CSF2RA: variants seen among roughly 807,000 people sequenced by gnomAD.
CSF2RA encodes colony stimulating factor 2 receptor subunit alpha.
In CSF2RA, 42 loss-of-function variants were observed where a neutral mutation model predicts 51.6. That is an observed-to-expected ratio of 0.81 (90% CI 0.64 to 1.05). The LOEUF (loss-of-function observed/expected upper bound fraction) is 1.05, where lower values mean the gene tolerates loss of function less well. Among genes scored for constraint, CSF2RA ranks in the 50% least tolerant of loss-of-function variants. The pLI is 0.00. For missense variants in CSF2RA, 530 were observed against 501.1 expected, an observed-to-expected ratio of 1.06 and a Z score of -0.55; for synonymous variants, 222 against 193.0, an observed-to-expected ratio of 1.15 and a Z score of -1.24.
chrX:1,270,456 C>G (rs1322462200), intron 1 of CSF2RA, among the ~76,000 whole-genome samples: 1 of 151,970 alleles, frequency 6.6e-6, no homozygotes, highest in African/African-American at 2.4e-5. Flanking sequence ...CCGGGCTGGT[C>G]TTGAACTCCT....
At chrX:1,314,937 T>C (rs1395210223), downstream of CSF2RA, among the ~76,000 whole-genome samples, 2 of 102,380 alleles carry the variant, frequency 2.0e-5, no homozygotes, top group Admixed American at 9.5e-5. Context: ...GCACTGCACT[T>C]GCCCAACCCC....
At chrX:1,280,382 A>C (rs1257817256) in intron 2 of CSF2RA, among the ~76,000 whole-genome samples, 1 of 151,456 alleles carries the variant, frequency 6.6e-6, no homozygotes, top group African/African-American at 2.4e-5. Context: ...GAGGCAGGAG[A>C]ATCGCTTGAA....
At chrX:1,288,220 G>A (rs183635725) in intron 4 of CSF2RA, among the ~76,000 whole-genome samples, 16 of 151,490 alleles carry the variant, frequency 1.1e-4, no homozygotes, top group South Asian at 8.4e-4. Flanking sequence ...GGTGGCTCAC[G>A]CCTGTAATCC....
At chrX:1,279,900 C>A (rs755477475) in intron 2 of CSF2RA, among the ~76,000 whole-genome samples, 1 of 152,040 alleles carries the variant, frequency 6.6e-6, no homozygotes, top group South Asian at 2.1e-4. Flanking sequence ...AGCGATTCTC[C>A]TGCCTCAACC....
rs762835530 is a variant in CSF2RA, at chrX:1,308,537, C to A, written c.1126-865C>A. ...CCCTCTCCCACCCACCTCTCTCCAG[C>A]TCAGGGGCTGTGTCTTCCTCCCATG... is the stretch of plus-strand genomic sequence containing the variant. On this transcript the variant is annotated intron_variant, in intron 12 of 12. Coordinates refer to ENST00000381529, the MANE Select transcript of CSF2RA (RefSeq NM_172245.4). Among the ~76,000 whole-genome samples the A allele has an allele frequency of 5.9e-5, 9 of 152,200 alleles. No individual in the cohort carries two copies. In the South Asian group the frequency reaches 1.9e-3, roughly 32 times the overall value.
At chrX:1,299,590 A>G (rs1381254453) in intron 9 of CSF2RA, among the ~76,000 whole-genome samples, 3 of 151,226 alleles carry the variant, frequency 2.0e-5, no homozygotes, top group Non-Finnish European at 4.4e-5. Context: ...ACAGGCACCC[A>G]CCCCCACACC....
chrX:1,286,003 C>G, intron 4 of CSF2RA, 83 bp downstream of exon 4: 1 of 1,565,084 alleles, frequency 6.4e-7, no homozygotes, highest in Non-Finnish European at 8.8e-7. Context: ...CTGGGCGCGG[C>G]GGCTCACGCC....
intron 11 of CSF2RA, among the ~76,000 whole-genome samples, chrX:1,305,075 C>T (rs1461666430): frequency 6.6e-6 from 1 of 151,186 alleles, no homozygotes. Flanking sequence ...CTCACTGCAA[C>T]CTCCACCTCC....
intron 2 of CSF2RA, among the ~76,000 whole-genome samples, chrX:1,277,080 CAGAGCGAGGCTCCGTCTCTAAAT>C (rs1366998986): frequency 6.6e-6 from 1 of 151,212 alleles, no homozygotes; most frequent in East Asian, 2.0e-4. Flanking sequence ...GCCTGGGAGA[CAGAGCGAGGCTCCGTCTCTAAAT>C]AAATAAATAA....
At chrX:1,319,162 A>AT in the CSF2RA span, among the ~76,000 whole-genome samples, 8 of 147,848 alleles carry the variant, frequency 5.4e-5, no homozygotes, top group South Asian at 2.3e-4. Context: ...CGCCTGGCTA[A>AT]TTTTTGTATT....
At chrX:1,316,059 A>AATAGATAG in the CSF2RA span, among the ~76,000 whole-genome samples, 2,704 of 149,022 alleles carry the variant, frequency 0.018, 91 homozygotes, top group African/African-American at 0.062. Context: ...TAGATAGATC[A>AATAGATAG]ATAGATAGAT....
Position 1,268,830 on chromosome X carries a change from C to T in CSF2RA, c.-140C>T, listed in dbSNP as rs1426731544. 4.4e-6 allele frequency: 2 copies of T among 454,060 alleles called. No homozygotes were observed. Among genetic ancestry groups the T allele is most frequent in the Admixed American group, 4.7e-5 (2 of 42,530 alleles). 28.1% of individuals were successfully genotyped at this position (454,060 alleles called of 1,614,324 possible). ...AAGGGAGCTACTCAGAAGCGGGAGT[C>T]TCCGAGAGAAGAAAAGCAGGTGGAA... is the stretch of plus-strand genomic sequence containing the variant. On this transcript the variant is annotated 5_prime_UTR_variant, in exon 1 of 13. Transcript: ENST00000381529.
chrX:1,303,760 A>G (rs1436495654), intron 10 of CSF2RA, among the ~76,000 whole-genome samples, 163 bp from the exon 11 acceptor site: 2 of 152,204 alleles, frequency 1.3e-5, no homozygotes, highest in African/African-American at 4.8e-5. Flanking sequence ...TCTCAGAGCC[A>G]TCTTAGTTAA....
chrX:1,271,055 T>TA (rs1357279767), intron 1 of CSF2RA, among the ~76,000 whole-genome samples: 1 of 151,828 alleles, frequency 6.6e-6, no homozygotes, highest in Non-Finnish European at 1.5e-5. Context: ...TTACAAATTT[T>TA]AAAAAAGACA....
At chrX:1,309,314 C>CGAGG (rs2084006488) in intron 12 of CSF2RA, 88 bp from the exon 13 acceptor site, 11 of 1,360,550 alleles carry the variant, frequency 8.1e-6, no homozygotes, top group Non-Finnish European at 1.1e-5. Flanking sequence ...GACTCCGTCT[C>CGAGG]GAGGGAGAAA....
At position 1,285,788 on chromosome X, in the gene CSF2RA, A is replaced by G. The variant is rs754016607; in HGVS notation, c.87A>G (p.Thr29=). ...LLIPEKSDLR[T]VAPASSLNVR... ...GCCCGCTCCTTGCAGATCTGCGAAC[A>G]GTGGCACCAGCCTCTAGTCTCAATG... is the stretch of plus-strand genomic sequence containing the variant. Residue 29 remains threonine (T), a synonymous_variant, in exon 4 of 13, where the codon ACA becomes ACG. Coordinates refer to ENST00000381529, the MANE Select transcript of CSF2RA (RefSeq NM_172245.4). 1.4e-5 allele frequency: 22 copies of G among 1,612,974 alleles called. No homozygotes were observed. The highest frequency in any genetic ancestry group is 1.9e-5 in the Non-Finnish European group (22 of 1,179,682).
intron 11 of CSF2RA, among the ~76,000 whole-genome samples, chrX:1,305,025 A>G (rs181057439): frequency 0.017 from 2,096 of 121,896 alleles, 60 homozygotes; most frequent in African/African-American, 0.063. Flanking sequence ...ATGGAGTCTC[A>G]CTCTGTCACC....
the CSF2RA span, among the ~76,000 whole-genome samples, chrX:1,322,271 A>ATTT: frequency 7.2e-6 from 1 of 138,498 alleles, no homozygotes; most frequent in African/African-American, 2.7e-5. Flanking sequence ...TCACCCGGCT[A>ATTT]TTTTTTTTTT....
At chrX:1,275,876 A>G (rs1466580664) in intron 2 of CSF2RA, among the ~76,000 whole-genome samples, 4 of 150,730 alleles carry the variant, frequency 2.7e-5, no homozygotes, top group African/African-American at 9.8e-5. Flanking sequence ...TATTTTTAGT[A>G]GCGACGGGGT....
Sources: gnomAD v4.1 joint callset for allele counts (sites outside exome capture counted in the v4.1 genomes callset) on GRCh38, gnomAD v4.1.1 for gene constraint, MANE v1.5 for transcripts, NCBI Gene and HGNC (gene_info 2026-07-23, HGNC 2026-07-21) for gene names.